The following TMC5 variants were observed in gnomAD, a reference collection of about 807,000 sequenced individuals.
The protein encoded by TMC5 is transmembrane channel like 5.
TMC5 carries 86 observed loss-of-function variants against 110.5 expected under a neutral mutation model. That is an observed-to-expected ratio of 0.78 (90% confidence interval 0.65 to 0.93). TMC5 has a LOEUF of 0.93. TMC5 is among the 40% of genes least tolerant of loss of function. TMC5 has a pLI of 0.00. For synonymous variants in TMC5, 455 were observed against 439.5 expected (o/e 1.04, Z -0.44); for missense variants, 1,144 against 1,222.8 (o/e 0.94, Z 0.96).
intron 1 of TMC5, among the ~76,000 whole-genome samples, chr16:19,429,398 C>G (rs1161034968): frequency 6.6e-6 from 1 of 152,202 alleles, no homozygotes; most frequent in African/African-American, 2.4e-5. Context: ...CTAAACATTA[C>G]ACACTGCAGA....
At chr16:19,423,796 G>A (rs925039362) in intron 1 of TMC5, among the ~76,000 whole-genome samples, 1 of 152,044 alleles carries the variant, frequency 6.6e-6, no homozygotes, top group East Asian at 1.9e-4. Context: ...CTGTTACCCA[G>A]GCTGGAGTGC....
chr16:19,435,790 G>A (rs1967331146), intron 2 of TMC5, among the ~76,000 whole-genome samples: 1 of 152,172 alleles, frequency 6.6e-6, no homozygotes, highest in South Asian at 2.1e-4. Flanking sequence ...ACTCTGTTGT[G>A]TCCAACTCTT....
At chr16:19,453,927 C>T (rs73540103) in intron 5 of TMC5, among the ~76,000 whole-genome samples, 5,856 of 152,072 alleles carry the variant, frequency 0.039, 361 homozygotes, top group African/African-American at 0.13. Context: ...TATATTGCTC[C>T]GACTGTTCTC....
At chr16:19,436,627 A>T (rs1447939917) in intron 2 of TMC5, among the ~76,000 whole-genome samples, 3 of 152,182 alleles carry the variant, frequency 2.0e-5, no homozygotes, top group Non-Finnish European at 4.4e-5. Context: ...TATTTGTCAG[A>T]ATTCTTTTTT....
chr16:19,420,567 C>A (rs1347143973), intron 1 of TMC5, among the ~76,000 whole-genome samples: 3 of 152,178 alleles, frequency 2.0e-5, no homozygotes, highest in Non-Finnish European at 4.4e-5. Flanking sequence ...TTCAAGTCAT[C>A]ATCCAGGCTC....
At chr16:19,437,633 TCC>T (rs1486588285) in intron 2 of TMC5, among the ~76,000 whole-genome samples, 1 of 152,204 alleles carries the variant, frequency 6.6e-6, no homozygotes, top group East Asian at 1.9e-4. Flanking sequence ...ATGTTCTACT[TCC>T]TTATTTCAAA....
At chr16:19,462,683 T>G (rs1020531832) in intron 6 of TMC5, 1 of 562,350 alleles carries the variant, frequency 1.8e-6, no homozygotes, top group Non-Finnish European at 3.2e-6. Context: ...GTGGATCACC[T>G]GAGGTCAGGA....
chr16:19,461,346 C>T (rs777001088), intron 6 of TMC5, among the ~76,000 whole-genome samples: 9 of 152,062 alleles, frequency 5.9e-5, no homozygotes, highest in East Asian at 3.9e-4. Context: ...GAGGCTTAGG[C>T]GGGCAGATCA....
At chr16:19,441,644 T>G (rs7202892) in intron 3 of TMC5, among the ~76,000 whole-genome samples, 13,179 of 152,178 alleles carry the variant, frequency 0.087, 1,391 homozygotes, top group African/African-American at 0.26. Context: ...TTACTGAGAT[T>G]ATCAGAATTG....
At chr16:19,451,584 C>CAGA (rs1180281862) in intron 5 of TMC5, among the ~76,000 whole-genome samples, 2 of 152,110 alleles carry the variant, frequency 1.3e-5, no homozygotes, top group Non-Finnish European at 2.9e-5. Context: ...ACCATCAACA[C>CAGA]AGAAGGCTTC....
At chr16:19,448,112 C>T (rs935795466) in intron 4 of TMC5, among the ~76,000 whole-genome samples, 1 of 146,180 alleles carries the variant, frequency 6.8e-6, no homozygotes, top group African/African-American at 2.5e-5. Context: ...GCCGAGATTG[C>T]GTCACTGCAC....
chr16:19,468,483 C>G (rs531084120), intron 9 of TMC5, among the ~76,000 whole-genome samples: 8 of 152,116 alleles, frequency 5.3e-5, no homozygotes, highest in Admixed American at 2.0e-4. Context: ...CCGACCCCCC[C>G]CAGAGAAGTC....
rs1221667315 is a variant in TMC5, at chr16:19,431,314, G to T, written c.-80+674G>T. Among the ~76,000 whole-genome samples the T allele has an allele frequency of 2.0e-5, 3 of 152,162 alleles. No individual in the cohort carries two copies. In the East Asian group the frequency reaches 5.8e-4, roughly 29 times the overall value. ...CCAGCACTTTGGGAGGCCAAGGTGG[G>T]TGGATTGCCTGAGGTCAGGACTTCG... On this transcript the variant is annotated intron_variant, in intron 2 of 21. Coordinates refer to ENST00000542583, the MANE Select transcript of TMC5 (RefSeq NM_001261841.2).
At chr16:19,446,061 G>A (rs895013469) in intron 4 of TMC5, among the ~76,000 whole-genome samples, 5 of 146,724 alleles carry the variant, frequency 3.4e-5, no homozygotes, top group Non-Finnish European at 7.5e-5. Flanking sequence ...GGAAGGGAGT[G>A]GAGGGGAGGG....
chr16:19,449,822 ACT>A (rs1967707618), intron 5 of TMC5, among the ~76,000 whole-genome samples, 191 bp downstream of exon 5: 1 of 151,006 alleles, frequency 6.6e-6, no homozygotes, highest in African/African-American at 2.5e-5. Context: ...CCCTGCACCC[ACT>A]CTCTCTCCTG....
intron 12 of TMC5, among the ~76,000 whole-genome samples, chr16:19,476,022 T>C (rs917524088): frequency 5.2e-4 from 79 of 152,100 alleles, no homozygotes; most frequent in African/African-American, 1.9e-3. Flanking sequence ...ATAAGCAAAT[T>C]GGTCAGTCAG....
chr16:19,413,074 C>A (rs562122569), upstream of TMC5, among the ~76,000 whole-genome samples: 1 of 152,092 alleles, frequency 6.6e-6, no homozygotes, highest in Non-Finnish European at 1.5e-5. Context: ...AAACTCCTGG[C>A]CTCAAGCAAT....
chr16:19,439,052 T>C (rs1450365856), intron 2 of TMC5, among the ~76,000 whole-genome samples: 3 of 152,240 alleles, frequency 2.0e-5, no homozygotes, highest in Non-Finnish European at 4.4e-5. Flanking sequence ...TTTGAACAAT[T>C]GGTTGCCTGT....
upstream of TMC5, chr16:19,417,782 T>C (rs1966892139): frequency 6.6e-6 from 1 of 152,178 alleles, no homozygotes; most frequent in Non-Finnish European, 1.5e-5. Flanking sequence ...GGTGGAAGAC[T>C]GATTTGCATT....
Sources: gnomAD v4.1 joint callset for allele counts (sites outside exome capture counted in the v4.1 genomes callset) on GRCh38, gnomAD v4.1.1 for gene constraint, MANE v1.5 for transcripts, NCBI Gene and HGNC (gene_info 2026-07-23, HGNC 2026-07-21) for gene names.